The following TAFA4 variants were observed in gnomAD, a reference collection of about 807,000 sequenced individuals.
TAFA4 encodes the protein TAFA chemokine like family member 4.
Under a neutral mutation model 21.1 loss-of-function variants are expected in TAFA4, and 20 were observed. The observed-to-expected ratio is 0.95, with a 90% CI of 0.67 to 1.38. The LOEUF is 1.38. Among genes scored for constraint, TAFA4 ranks in the 40% most tolerant of loss-of-function variants. TAFA4 has a pLI of 0.00. For missense variants in TAFA4, 211 were observed against 180.9 expected, an observed-to-expected ratio of 1.17 and a Z score of -0.95; for synonymous variants, 71 against 67.4, an observed-to-expected ratio of 1.05 and a Z score of -0.26.
At chr3:68,855,828 C>T (rs749491608) in intron 3 of TAFA4, among the ~76,000 whole-genome samples, 24 of 152,096 alleles carry the variant, frequency 1.6e-4, no homozygotes, top group Non-Finnish European at 2.5e-4. Flanking sequence ...TTCTGACCAC[C>T]GAATGCCGTC....
chr3:68,770,583 T>C (rs1474856492), intron 3 of TAFA4, among the ~76,000 whole-genome samples: 1 of 151,550 alleles, frequency 6.6e-6, no homozygotes, highest in East Asian at 1.9e-4. Flanking sequence ...ATACAAGGAA[T>C]TTCCAAGGGA....
At chr3:68,878,847 T>C (rs927698792) in intron 3 of TAFA4, among the ~76,000 whole-genome samples, 2 of 152,214 alleles carry the variant, frequency 1.3e-5, no homozygotes, top group Non-Finnish European at 2.9e-5. Context: ...CCACCCAACC[T>C]GTGAAAATTA....
At chr3:68,805,104 C>T (rs1002166702) in intron 3 of TAFA4, among the ~76,000 whole-genome samples, 1 of 151,934 alleles carries the variant, frequency 6.6e-6, no homozygotes, top group East Asian at 1.9e-4. Flanking sequence ...AACAAATTTA[C>T]AGGAAAAAAA....
At chr3:68,853,916 C>G (rs924874885) in intron 3 of TAFA4, among the ~76,000 whole-genome samples, 1 of 152,130 alleles carries the variant, frequency 6.6e-6, no homozygotes, top group Non-Finnish European at 1.5e-5. Flanking sequence ...TATTTTCAAA[C>G]TCATTCAGTG....
At chr3:68,807,558 C>G (rs1703728530) in intron 3 of TAFA4, among the ~76,000 whole-genome samples, 1 of 152,120 alleles carries the variant, frequency 6.6e-6, no homozygotes. Context: ...ATCTTCACTA[C>G]TCTTAATGAT....
At chr3:68,843,760 A>G (rs1226807293) in intron 3 of TAFA4, among the ~76,000 whole-genome samples, 1 of 152,254 alleles carries the variant, frequency 6.6e-6, no homozygotes, top group African/African-American at 2.4e-5. Context: ...CCTTTTCTGC[A>G]TCTATTGAGA....
chr3:68,913,925 A>G (rs974705329), intron 1 of TAFA4, among the ~76,000 whole-genome samples: 7 of 152,210 alleles, frequency 4.6e-5, no homozygotes, highest in Admixed American at 3.3e-4. Flanking sequence ...AGGATTTTAA[A>G]TAGTGCTTGG....
chr3:68,781,619 T>C (rs1703155605), intron 3 of TAFA4, among the ~76,000 whole-genome samples: 1 of 152,116 alleles, frequency 6.6e-6, no homozygotes, highest in Admixed American at 6.5e-5. Context: ...AAATTATACT[T>C]TAAAACCTTC....
At chr3:68,899,080 C>T (rs1218171025) in intron 1 of TAFA4, among the ~76,000 whole-genome samples, 1 of 152,080 alleles carries the variant, frequency 6.6e-6, no homozygotes, top group Non-Finnish European at 1.5e-5. Context: ...GCCATAGCTG[C>T]GTAGGAAATA....
chr3:68,916,937 AAG>A (rs2090009703), intron 1 of TAFA4, among the ~76,000 whole-genome samples: 1 of 152,204 alleles, frequency 6.6e-6, no homozygotes. Flanking sequence ...ACCCTGGTGA[AAG>A]AGAGTCTGTA....
intron 3 of TAFA4, among the ~76,000 whole-genome samples, chr3:68,836,981 T>A (rs1704537072): frequency 6.6e-6 from 1 of 152,234 alleles, no homozygotes; most frequent in African/African-American, 2.4e-5. Context: ...AACACAGGAA[T>A]TGACAAATTA....
At chr3:68,739,708 T>C (rs960621764) in intron 4 of TAFA4, among the ~76,000 whole-genome samples, 3 of 152,148 alleles carry the variant, frequency 2.0e-5, no homozygotes, top group Non-Finnish European at 4.4e-5. Flanking sequence ...GAGAATGAAA[T>C]CCTGTCTTTT....
chr3:68,861,749 C>A (rs1357887063), intron 3 of TAFA4, among the ~76,000 whole-genome samples: 1 of 151,960 alleles, frequency 6.6e-6, no homozygotes, highest in Non-Finnish European at 1.5e-5. Flanking sequence ...ACTTCTCACT[C>A]CACAAGCAGG....
chr3:68,789,770 C>G (rs1294618140), intron 3 of TAFA4, among the ~76,000 whole-genome samples: 4 of 152,150 alleles, frequency 2.6e-5, no homozygotes, highest in Non-Finnish European at 5.9e-5. Context: ...GTAAAAATAT[C>G]CATCGGATGA....
intron 3 of TAFA4, among the ~76,000 whole-genome samples, chr3:68,789,216 G>A (rs35270691): frequency 0.035 from 5,236 of 147,952 alleles, 296 homozygotes; most frequent in East Asian, 0.25. Flanking sequence ...GGGCGACAGA[G>A]TGAGACTCCG....
At chr3:68,822,625 C>A (rs1001164320) in intron 3 of TAFA4, among the ~76,000 whole-genome samples, 5 of 152,254 alleles carry the variant, frequency 3.3e-5, no homozygotes, top group African/African-American at 1.2e-4. Flanking sequence ...AGGAGTGCCA[C>A]CATGCCCAGT....
intron 1 of TAFA4, among the ~76,000 whole-genome samples, chr3:68,915,049 A>G (rs1441836690): frequency 6.6e-6 from 1 of 152,180 alleles, no homozygotes; most frequent in Non-Finnish European, 1.5e-5. Flanking sequence ...CTACATAGCC[A>G]TTTATAGAAA....
chr3:68,765,217 GTTC>G (rs1263599353), intron 3 of TAFA4, among the ~76,000 whole-genome samples: 2 of 152,038 alleles, frequency 1.3e-5, no homozygotes, highest in African/African-American at 2.4e-5. Context: ...TTTCTTATTT[GTTC>G]TTCTACTAAA....
chr3:68,740,183 A>G (rs531453363), intron 4 of TAFA4, among the ~76,000 whole-genome samples: 1 of 152,286 alleles, frequency 6.6e-6, no homozygotes, highest in South Asian at 2.1e-4. Flanking sequence ...GATAAAGTTA[A>G]TCCACGTGTG....
Sources: gnomAD v4.1 joint callset for allele counts (sites outside exome capture counted in the v4.1 genomes callset) on GRCh38, gnomAD v4.1.1 for gene constraint, MANE v1.5 for transcripts, NCBI Gene and HGNC (gene_info 2026-07-23, HGNC 2026-07-21) for gene names.